The following POLR1A variants were observed in gnomAD, a reference collection of about 807,000 sequenced individuals.
POLR1A encodes the protein DNA-directed RNA polymerase I subunit RPA1.
In POLR1A, 84 loss-of-function variants were observed where a neutral mutation model predicts 205.3. That is an observed-to-expected ratio of 0.41 (90% CI 0.34 to 0.49). The LOEUF is 0.49. Among genes scored for constraint, POLR1A ranks in the 20% least tolerant of loss-of-function variants. POLR1A has a pLI of 0.22. For missense variants in POLR1A, 1,645 were observed against 2,204.5 expected (o/e 0.75, Z 5.08); for synonymous variants, 799 against 863.7 (o/e 0.93, Z 1.31).
chr2:86,039,213 G>T, intron 26 of POLR1A, 114 bp downstream of exon 26: 1 of 1,160,024 alleles, frequency 8.6e-7, no homozygotes, highest in Non-Finnish European at 1.2e-6. Flanking sequence ...ATCTCTCATT[G>T]GTGGGAATCT....
Position 86,083,147 on chromosome 2 carries a change from C to T in POLR1A, c.752G>A (p.Gly251Glu). Reference protein sequence around the residue: ...EPLGIEEAQIGKRGYLTPTSA... With the variant: ...EPLGIEEAQIEKRGYLTPTSA... Reference sequence around the variant, plus strand: ...GGTGGGTGTTAAGTATCCTCGTTTTCCTATCTGAGCTTCCTCAATTCCTGG... The same window carrying T: ...GGTGGGTGTTAAGTATCCTCGTTTTTCTATCTGAGCTTCCTCAATTCCTGG... The change falls in exon 7 of 34, where the codon GGA becomes GAA. Residue 251 changes from glycine to glutamate, a missense_variant. By Grantham distance (98) the Gly-to-Glu change is moderately conservative. Around this residue, in one of 16 missense-constraint regions of POLR1A, gnomAD observed 330 missense variants for 375.6 expected, o/e 0.88. Coordinates refer to ENST00000263857, the MANE Select transcript of POLR1A (RefSeq NM_015425.6). 1 of 1,613,784 alleles carries T rather than the reference C, an allele frequency of 6.2e-7. No homozygotes were observed.
intron 24 of POLR1A, among the ~76,000 whole-genome samples, chr2:86,041,149 CTGTGTG>C (rs756415592): frequency 0.017 from 2,029 of 122,304 alleles, 59 homozygotes; most frequent in African/African-American, 0.059. Flanking sequence ...CTGAGCTACA[CTGTGTG>C]TGTGTGTGTG....
At chr2:86,041,170 T>TGCTGAGCTACA in intron 24 of POLR1A, among the ~76,000 whole-genome samples, 2 of 97,268 alleles carry the variant, frequency 2.1e-5, no homozygotes, top group African/African-American at 4.0e-5. Flanking sequence ...TGTGTGTGTG[T>TGCTGAGCTACA]GTGTGTGTGT....
intron 14 of POLR1A, among the ~76,000 whole-genome samples, chr2:86,059,636 G>A (rs922836415): frequency 6.6e-6 from 1 of 152,230 alleles, no homozygotes; most frequent in African/African-American, 2.4e-5. Context: ...TGCAATCTCA[G>A]CTCAATGCAA....
intron 6 of POLR1A, among the ~76,000 whole-genome samples, chr2:86,083,831 T>C (rs1408582792): frequency 6.6e-6 from 1 of 152,234 alleles, no homozygotes; most frequent in Non-Finnish European, 1.5e-5. Context: ...ATCATACTGG[T>C]GTGTGAGGAA....
intron 9 of POLR1A, among the ~76,000 whole-genome samples, chr2:86,078,512 T>G (rs1187893967): frequency 6.6e-6 from 1 of 152,238 alleles, no homozygotes; most frequent in African/African-American, 2.4e-5. Flanking sequence ...CTCTTTCTAG[T>G]AGTAAGATGA....
rs1157224915 is a variant in POLR1A at position 86,027,465 on chromosome 2, C to G, written c.5121G>C (p.Arg1707Ser). 2 of 1,614,096 alleles carry G rather than the reference C, an allele frequency of 1.2e-6. No individual in the cohort carries two copies. Among genetic ancestry groups the G allele is most frequent in the African/African-American group, 2.7e-5 (2 of 74,934 alleles). ...SACLVVGKVV[R>S]GGTGLFELKQ... ...TGAGCTCGAACAGGCCTGTCCCGCC[C>G]CTGACGACCTTCCCGACCACAAGGC... is the stretch of plus-strand genomic sequence containing the variant. Residue 1707 changes from arginine (R) to serine (S), a missense_variant, in exon 34 of 34, where the codon AGG (arginine) becomes AGC (serine). Physicochemically the swap from Arg to Ser is moderately radical, Grantham distance 110. Around this residue, in one of 16 missense-constraint regions of POLR1A, gnomAD observed 86 missense variants for 149.8 expected, o/e 0.57. Transcript: ENST00000263857.
Position 86,028,142 on chromosome 2 carries a change from G to T in POLR1A, c.4898-93C>A. 8.2e-7 allele frequency: 1 copy of T among 1,219,564 alleles called. No individual in the cohort carries two copies. The highest frequency in any genetic ancestry group is 1.2e-6 in the Non-Finnish European group (1 of 830,828). The allele number at this position is 1,219,564 out of a possible 1,614,324, so 75.5% of individuals were successfully genotyped here. On this transcript the variant is annotated intron_variant, in intron 32 of 33. Transcript: ENST00000263857. This position sits in a 1 kb window ranked among gnomAD's most constrained non-coding sequence, Gnocchi z 4.5. Reference sequence around the variant, plus strand: ...CCAAGCTGCCTCCACATCAGCACATGGCTTGGGAGTTAGACTCTGGGGCTC... The same window carrying T: ...CCAAGCTGCCTCCACATCAGCACATTGCTTGGGAGTTAGACTCTGGGGCTC...
chr2:86,086,497 T>C (rs17026886), intron 6 of POLR1A, among the ~76,000 whole-genome samples: 7,275 of 152,302 alleles, frequency 0.048, 612 homozygotes, highest in African/African-American at 0.17. Flanking sequence ...TCTGTGTCAC[T>C]TGCAGCCCCT....
intron 6 of POLR1A, among the ~76,000 whole-genome samples, chr2:86,085,684 C>T (rs1214901554): frequency 6.6e-6 from 1 of 152,220 alleles, no homozygotes; most frequent in Non-Finnish European, 1.5e-5. Flanking sequence ...ATCACAGGAT[C>T]TTAAAGTCAG....
intron 29 of POLR1A, 144 bp from the exon 30 acceptor site, chr2:86,031,779 T>A: frequency 8.1e-6 from 9 of 1,108,570 alleles, no homozygotes; most frequent in Non-Finnish European, 1.2e-5. Context: ...GCTCCTCTGC[T>A]CCGGCCTGGT....
In POLR1A at chr2:86,022,401, A is replaced by G. The variant is rs1173298820; in HGVS notation, c.*5022T>C. On this transcript the variant is annotated 3_prime_UTR_variant, in exon 34 of 34. Coordinates refer to ENST00000263857, the MANE Select transcript of POLR1A (RefSeq NM_015425.6). ...CAGATCTTAAGATCCTACTGCAGAA[A>G]CCTAGGGCCAGTGACTCCTTGAGAT... 6.6e-6 allele frequency: 1 copy of G among 151,826 alleles called. No homozygotes were observed. The highest frequency in any genetic ancestry group is 1.5e-5 in the Non-Finnish European group (1 of 67,950). The allele number at this position is 151,826 out of a possible 1,614,324, so 9.4% of individuals were successfully genotyped here. A position where few individuals can be genotyped will look rare whatever the true frequency, so the allele number is the denominator to read the frequency against.
chr2:86,031,293 C>A, intron 30 of POLR1A, 37 bp downstream of exon 30: 1 of 1,513,224 alleles, frequency 6.6e-7, no homozygotes, highest in East Asian at 2.3e-5. Context: ...CCAGCTGGAC[C>A]AACCACCCAA....
intron 22 of POLR1A, among the ~76,000 whole-genome samples, chr2:86,043,423 A>C (rs1014090837): frequency 6.6e-6 from 1 of 152,132 alleles, no homozygotes; most frequent in Non-Finnish European, 1.5e-5. Flanking sequence ...TTGGGAGCAG[A>C]GGGAGACACA....
chr2:86,065,745 C>T (rs1215799241), intron 13 of POLR1A: 1 of 369,258 alleles, frequency 2.7e-6, no homozygotes, highest in Non-Finnish European at 4.9e-6. Context: ...TCTGTTTAAT[C>T]CCATCTGGTT....
At chr2:86,063,750 A>G (rs939019966) in intron 14 of POLR1A, among the ~76,000 whole-genome samples, 7 of 152,204 alleles carry the variant, frequency 4.6e-5, no homozygotes, top group African/African-American at 1.7e-4. Flanking sequence ...AGAACTGGAG[A>G]GCAGGAAGAG....
Position 86,040,558 on chromosome 2 carries a change from A to C in POLR1A, c.3574T>G (p.Leu1192Val). The change falls in exon 25 of 34, where the codon TTG becomes GTG. Residue 1192 changes from leucine to valine, a missense_variant and splice_region_variant. Transcript: ENST00000263857. Reference sequence around the variant, plus strand: ...CACTTCAGCTGCAGCAAGGTCCTCAACCTAGAGACGGTGGTGGGGGGTCAG... The same window carrying C: ...CACTTCAGCTGCAGCAAGGTCCTCACCCTAGAGACGGTGGTGGGGGGTCAG... ...YEKSELSLDR[L>V]RTLLQLKWQR... 1.3e-6 allele frequency: 2 copies of C among 1,558,568 alleles called. No individual in the cohort carries two copies. The highest frequency in any genetic ancestry group is 1.7e-6 in the Non-Finnish European group (2 of 1,149,042).
rs1270149965 is a variant in POLR1A, at chr2:86,070,237, T to C, written c.1647A>G (p.Leu549=). The change falls in exon 13 of 34, where the codon CTA becomes CTG. Residue 549 remains leucine (L), a synonymous_variant. Transcript: ENST00000263857. This position sits in a 1 kb window ranked among gnomAD's most constrained non-coding sequence, Gnocchi z 4.4. ...TGTGCAGTGTGGGCTGTCGGTTCAG[T>C]AGCAGAATGTCCCCATTCTTCACAT... The part of the protein sequence containing the change: ...CRHVKNGDIL[L]LNRQPTLHRP... 6 of 1,613,208 alleles carry C rather than the reference T, an allele frequency of 3.7e-6. No homozygotes were observed. The highest frequency in any genetic ancestry group is 4.5e-5 in the East Asian group (2 of 44,844).
rs1166285712 is a variant in POLR1A at position 86,099,971 on chromosome 2, G to T, written c.279C>A (p.Phe93Leu). 3.7e-6 allele frequency: 6 copies of T among 1,613,462 alleles called. No homozygotes were observed. In the East Asian group the frequency reaches 8.9e-5, roughly 24 times the overall value. ...LPLTVYNPLL[F>L]DKLYLLLRGS... ...ACACAACTAAGGCAGCACTTACATC[G>T]AAGAGGAGAGGGTTATACACTGTGA... The change falls in exon 2 of 34, where the codon TTC becomes TTA. Residue 93 changes from phenylalanine to leucine, a missense_variant. Physicochemically the swap from Phe to Leu is conservative, Grantham distance 22. Around this residue, in one of 16 missense-constraint regions of POLR1A, gnomAD observed 330 missense variants for 375.6 expected, o/e 0.88. Coordinates refer to ENST00000263857, the MANE Select transcript of POLR1A (RefSeq NM_015425.6).
Sources: gnomAD v4.1 joint callset for allele counts (sites outside exome capture counted in the v4.1 genomes callset) on GRCh38, gnomAD v4.1.1 for gene constraint, gnomAD v4.1.1 regional missense constraint, Gnocchi (gnomAD v3.1) non-coding constraint, MANE v1.5 for transcripts, NCBI Gene and HGNC (gene_info 2026-07-23, HGNC 2026-07-21) for gene names.